Variants in MYO3A observed in about 807,000 individuals in gnomAD.
MYO3A encodes the protein myosin IIIA.
MYO3A carries 180 observed loss-of-function variants against 192.7 expected under a neutral mutation model. The observed-to-expected ratio is 0.93, with a 90% CI of 0.83 to 1.06. The LOEUF (loss-of-function observed/expected upper bound fraction) is 1.06. Among genes scored for constraint, MYO3A ranks in the 50% least tolerant of loss-of-function variants. The pLI is 0.00. For missense variants in MYO3A, 1,896 were observed against 1,905.0 expected (o/e 1.00, Z 0.09); for synonymous variants, 628 against 645.3 (o/e 0.97, Z 0.41).
At chr10:26,061,856 A>ACAG (rs1834503320) in intron 10 of MYO3A, among the ~76,000 whole-genome samples, 1 of 151,710 alleles carries the variant, frequency 6.6e-6, no homozygotes, top group Non-Finnish European at 1.5e-5. Context: ...GGTCCATAAA[A>ACAG]ACAGAAAATT....
intron 18 of MYO3A, among the ~76,000 whole-genome samples, chr10:26,123,361 T>C (rs1024160895): frequency 6.6e-6 from 1 of 152,028 alleles, no homozygotes; most frequent in Non-Finnish European, 1.5e-5. Context: ...TATAAATTGA[T>C]CAGGAAAAGA....
intron 10 of MYO3A, among the ~76,000 whole-genome samples, chr10:26,061,053 T>C (rs35006506): frequency 0.47 from 71,385 of 151,356 alleles, 17,651 homozygotes; most frequent in Middle Eastern, 0.58. Flanking sequence ...CTCAGCCTCC[T>C]GAGTAGCTGG....
At chr10:26,040,412 G>C (rs897568674) in intron 10 of MYO3A, among the ~76,000 whole-genome samples, 1 of 152,068 alleles carries the variant, frequency 6.6e-6, no homozygotes, top group African/African-American at 2.4e-5. Context: ...CAAGAACGAT[G>C]TTAACATCAC....
At position 26,024,048 on chromosome 10, in the gene MYO3A, C is replaced by G; in HGVS notation, c.758C>G (p.Pro253Arg). Reference protein sequence around the residue: ...PRNPPPKLRQPELWSAEFNDF... With the variant: ...PRNPPPKLRQRELWSAEFNDF... ...AATCCACCCCCAAAACTAAGGCAGC[C>G]TGAGCTATGGTCAGCAGAATTCAAT... Residue 253 changes from proline to arginine, a missense_variant, in exon 9 of 35, where the codon CCT becomes CGT. Pro to Arg is a moderately radical substitution (Grantham distance 103). Transcript: ENST00000642920. 6.2e-7 allele frequency: 1 copy of G among 1,613,262 alleles called. No individual in the cohort carries two copies. The highest frequency in any genetic ancestry group is 8.5e-7 in the Non-Finnish European group (1 of 1,179,318).
At chr10:26,130,484 T>G (rs564436923) in intron 20 of MYO3A, among the ~76,000 whole-genome samples, 1 of 152,204 alleles carries the variant, frequency 6.6e-6, no homozygotes, top group African/African-American at 2.4e-5. Context: ...GTCTAAGGGC[T>G]TGTTACAAAA....
chr10:26,076,316 A>G (rs150873985), intron 14 of MYO3A, among the ~76,000 whole-genome samples: 1,786 of 152,180 alleles, frequency 0.012, 39 homozygotes, highest in African/African-American at 0.041. Flanking sequence ...TTGTCTATTC[A>G]TGTCCTTAAC....
chr10:26,019,217 C>CTATTTATTTATT (rs201592333), intron 7 of MYO3A, among the ~76,000 whole-genome samples: 9 of 139,510 alleles, frequency 6.5e-5, no homozygotes, highest in African/African-American at 2.4e-4. Context: ...TCTGGTTATT[C>CTATTTATTTATT]TATTTATTTA....
intron 17 of MYO3A, among the ~76,000 whole-genome samples, chr10:26,103,810 A>G (rs1016406287): frequency 2.0e-5 from 3 of 152,174 alleles, no homozygotes; most frequent in Non-Finnish European, 4.4e-5. Context: ...TCCCACCAGC[A>G]CTGTCTGAAG....
intron 14 of MYO3A, among the ~76,000 whole-genome samples, chr10:26,083,534 T>TG (rs1249218733): frequency 2.8e-4 from 43 of 152,214 alleles, no homozygotes; most frequent in Non-Finnish European, 3.5e-4. Context: ...CTATGTTGAA[T>TG]GGAAGTGAAG....
At chr10:25,954,458 C>G (rs1012166668) in intron 3 of MYO3A, among the ~76,000 whole-genome samples, 1 of 151,964 alleles carries the variant, frequency 6.6e-6, no homozygotes, top group African/African-American at 2.4e-5. Flanking sequence ...TGGATAGCTT[C>G]TAAATATCCT....
intron 7 of MYO3A, among the ~76,000 whole-genome samples, chr10:26,018,909 A>G (rs545878627): frequency 1.3e-5 from 2 of 152,318 alleles, no homozygotes; most frequent in Non-Finnish European, 2.9e-5. Context: ...TTATTTTTAC[A>G]CTCTAGCAAA....
chr10:26,135,823 G>A (rs374660606), intron 20 of MYO3A, among the ~76,000 whole-genome samples: 1 of 151,738 alleles, frequency 6.6e-6, no homozygotes, highest in African/African-American at 2.4e-5. Flanking sequence ...AAAATTAGCC[G>A]GGCATGGTGG....
Position 26,067,043 on chromosome 10 carries a change from A to G in MYO3A, c.1022A>G (p.Asp341Gly), listed in dbSNP as rs1483690870. The G allele has an allele frequency of 6.2e-7, 1 of 1,612,452 alleles. No individual in the cohort carries two copies. Among genetic ancestry groups the G allele is most frequent in the Admixed American group, 1.7e-5 (1 of 60,008 alleles). Residue 341 changes from aspartate (D) to glycine (G), a missense_variant, in exon 11 of 35, where the codon GAT becomes GGT. Coordinates refer to ENST00000642920, the MANE Select transcript of MYO3A (RefSeq NM_017433.5). Reference protein sequence around the residue: ...RPLISNLKDVDDLATLEILDE... With the variant: ...RPLISNLKDVGDLATLEILDE... ...CTAATATCCAATCTGAAGGATGTAG[A>G]TGATTTAGCAACCCTAGAAATTTTG...
At chr10:26,026,711 T>C (rs966527225) in intron 10 of MYO3A, among the ~76,000 whole-genome samples, 179 bp downstream of exon 10, 1 of 151,662 alleles carries the variant, frequency 6.6e-6, no homozygotes, top group African/African-American at 2.4e-5. Context: ...CAACACTTTC[T>C]TTTTTTTTGA....
At chr10:26,097,908 G>A (rs1428598848) in intron 17 of MYO3A, among the ~76,000 whole-genome samples, 18 of 150,926 alleles carry the variant, frequency 1.2e-4, no homozygotes, top group Non-Finnish European at 3.0e-5. Flanking sequence ...GTGCATGTGT[G>A]ATAATCCTTT....
At chr10:25,996,274 A>T (rs1840433608) in intron 4 of MYO3A, among the ~76,000 whole-genome samples, 2 of 152,212 alleles carry the variant, frequency 1.3e-5, no homozygotes, top group Non-Finnish European at 2.9e-5. Flanking sequence ...ATTATCTTCT[A>T]AAAATTAATT....
chr10:26,100,993 G>T (rs1837411094), intron 17 of MYO3A, among the ~76,000 whole-genome samples: 1 of 152,122 alleles, frequency 6.6e-6, no homozygotes, highest in African/African-American at 2.4e-5. Flanking sequence ...ATTGACAGTG[G>T]GGTGTTAAAG....
intron 23 of MYO3A, 94 bp downstream of exon 23, chr10:26,147,653 T>C (rs538812436): frequency 3.0e-4 from 463 of 1,566,384 alleles, no homozygotes; most frequent in East Asian, 3.4e-4. Flanking sequence ...TAATTTTTCA[T>C]GTGAGTTTGT....
chr10:26,176,714 C>G lies in MYO3A; in HGVS notation c.4307C>G (p.Ser1436Cys), dbSNP rs755287250. Residue 1436 changes from serine to cysteine, a missense_variant, in exon 31 of 35, where the codon TCT (serine) becomes TGT (cysteine). By Grantham distance (112) the Ser-to-Cys change is moderately radical. Coordinates refer to ENST00000642920, the MANE Select transcript of MYO3A (RefSeq NM_017433.5). ...CCTTCTTTTTAGATATCAAAGTTATCTGAAGAATATTTCATTCTGCAGAAA... is the reference window on the plus strand; with the variant it reads ...CCTTCTTTTTAGATATCAAAGTTATGTGAAGAATATTTCATTCTGCAGAAA... ...AIFSKQISKL[S>C]EEYFILQKKL... 1 of 1,609,584 alleles carries G rather than the reference C, an allele frequency of 6.2e-7. No individual in the cohort carries two copies. The highest frequency in any genetic ancestry group is 8.5e-7 in the Non-Finnish European group (1 of 1,176,032).
Sources: allele counts gnomAD v4.1 joint callset (sites outside exome capture counted in the v4.1 genomes callset), GRCh38; gene constraint gnomAD v4.1.1; transcripts MANE v1.5; gene names NCBI Gene and HGNC (gene_info 2026-07-23, HGNC 2026-07-21).